SMC5: variants seen among roughly 807,000 people sequenced by gnomAD.
SMC5 encodes structural maintenance of chromosomes protein 5.
A neutral mutation model predicts 148.3 loss-of-function variants in SMC5; 88 were observed. The ratio of observed to expected loss-of-function variants is 0.59; its 90% CI spans 0.50 to 0.71. The LOEUF is 0.71. SMC5 is among the 30% of genes least tolerant of loss of function. SMC5 has a pLI of 0.00. For synonymous variants in SMC5, 421 were observed against 432.8 expected (o/e 0.97, Z 0.34); for missense variants, 1,142 against 1,298.9 (o/e 0.88, Z 1.86).
chr9:70,261,570 A>C (rs994782320), intron 1 of SMC5, among the ~76,000 whole-genome samples: 3 of 152,206 alleles, frequency 2.0e-5, no homozygotes, highest in African/African-American at 7.2e-5. Context: ...GTGGCATCTA[A>C]GAGAGATGTT....
chr9:70,340,647 A>G (rs180675996), intron 17 of SMC5, among the ~76,000 whole-genome samples: 3 of 152,210 alleles, frequency 2.0e-5, no homozygotes, highest in East Asian at 3.9e-4. Context: ...CTAGAACTTA[A>G]TTTTATTCAT....
At chr9:70,351,781 TAAGA>T (rs1305195505) in intron 24 of SMC5, among the ~76,000 whole-genome samples, 1 of 152,156 alleles carries the variant, frequency 6.6e-6, no homozygotes, top group African/African-American at 2.4e-5. Flanking sequence ...AAGAGCTTCT[TAAGA>T]GTCTTATTGG....
Position 70,352,301 on chromosome 9 carries a change from G to T in SMC5, c.3276G>T (p.Arg1092=). ...ATTTAAAGGCTTTCCAAAGGCGGCG[G>T]CGCCGTATTACATTCACTCAACCTT... ...TWNLKAFQRR[R]RRITFTQPS is the part of the protein sequence containing the mutation. Residue 1092 remains arginine, a synonymous_variant, in exon 25 of 25, where the codon CGG becomes CGT. Coordinates refer to ENST00000361138, the MANE Select transcript of SMC5 (RefSeq NM_015110.4). 6.2e-7 allele frequency: 1 copy of T among 1,611,904 alleles called. No homozygotes were observed. Among genetic ancestry groups the T allele is most frequent in the Non-Finnish European group, 8.5e-7 (1 of 1,179,010 alleles).
At chr9:70,323,135 G>A (rs552480583) in intron 15 of SMC5, among the ~76,000 whole-genome samples, 1 of 152,106 alleles carries the variant, frequency 6.6e-6, no homozygotes, top group Non-Finnish European at 1.5e-5. Context: ...CTTAATATCT[G>A]TGATTTTAGG....
At chr9:70,329,743 C>T (rs2036173443) in intron 17 of SMC5, among the ~76,000 whole-genome samples, 1 of 152,196 alleles carries the variant, frequency 6.6e-6, no homozygotes, top group Non-Finnish European at 1.5e-5. Context: ...TAGCAATGCC[C>T]CCACTTCTCT....
intron 17 of SMC5, among the ~76,000 whole-genome samples, chr9:70,342,349 C>CTG: frequency 6.6e-6 from 1 of 151,608 alleles, no homozygotes; most frequent in African/African-American, 2.4e-5. Flanking sequence ...TGTAACTAAC[C>CTG]TGCACATTGT....
chr9:70,323,443 G>C, intron 15 of SMC5, 40 bp from the exon 16 acceptor site: 1 of 1,549,306 alleles, frequency 6.5e-7, no homozygotes, highest in Non-Finnish European at 8.7e-7. Context: ...CAATTCTTAT[G>C]TTTAACACTG....
chr9:70,303,766 G>A (rs946535988), intron 10 of SMC5, among the ~76,000 whole-genome samples: 7 of 152,158 alleles, frequency 4.6e-5, no homozygotes, highest in Admixed American at 2.0e-4. Flanking sequence ...TTGAAAGGAC[G>A]TCTGTCTGAC....
At chr9:70,333,113 A>G (rs185310112) in intron 17 of SMC5, among the ~76,000 whole-genome samples, 2,534 of 152,276 alleles carry the variant, frequency 0.017, 43 homozygotes, top group South Asian at 0.069. Context: ...TTAAATGTAA[A>G]AAAAAACCTC....
intron 15 of SMC5, 48 bp from the exon 16 acceptor site, chr9:70,323,435 A>T (rs375039355): frequency 6.6e-7 from 1 of 1,523,216 alleles, no homozygotes; most frequent in African/African-American, 1.4e-5. Context: ...TTTGGGATCA[A>T]TTCTTATGTT....
chr9:70,347,637 G>A lies in SMC5; in HGVS notation c.2689G>A (p.Glu897Lys), dbSNP rs771116742. 12 of 1,574,462 alleles carry A rather than the reference G, an allele frequency of 7.6e-6. No homozygotes were observed. Among genetic ancestry groups the A allele is most frequent in the South Asian group, 3.6e-5 (3 of 84,410 alleles). ...GATTGTTCAGGAATATACAAAAAGA[G>A]AAGAAGAAATAGAACAGTTAACTGA... is the stretch of plus-strand genomic sequence containing the variant. ...PTIVQEYTKR[E>K]EEIEQLTEEL... is the part of the protein sequence containing the mutation. Residue 897 changes from glutamate (E) to lysine (K), a missense_variant, in exon 21 of 25, where the codon GAA becomes AAA. By Grantham distance (56) the Glu-to-Lys change is moderately conservative (BLOSUM62 1). Transcript: ENST00000361138.
intron 7 of SMC5, among the ~76,000 whole-genome samples, chr9:70,283,979 G>A (rs987761873): frequency 6.6e-6 from 1 of 152,160 alleles, no homozygotes; most frequent in African/African-American, 2.4e-5. Flanking sequence ...TCGATTTCTA[G>A]ATGTGATTGT....
Position 70,270,192 on chromosome 9 carries a change from G to A in SMC5, c.380+2217G>A, listed in dbSNP as rs764438098. Among the ~76,000 whole-genome samples the A allele has an allele frequency of 2.2e-4, 34 of 152,184 alleles. No individual in the cohort carries two copies. The Middle Eastern group carries it at 0.01, about 46-fold the overall frequency. ...TTGAGGTTCTCAGGACCCCTTTCTT[G>A]GTCCAGTTATTTGCTAGGATGGGAA... On this transcript the variant is annotated intron_variant, in intron 3 of 24. Coordinates refer to ENST00000361138, the MANE Select transcript of SMC5 (RefSeq NM_015110.4).
chr9:70,280,975 T>C, intron 6 of SMC5, 76 bp downstream of exon 6: 1 of 1,519,752 alleles, frequency 6.6e-7, no homozygotes, highest in Non-Finnish European at 9.0e-7. Flanking sequence ...TATTAGTTAC[T>C]GTGTATTCAA....
At chr9:70,297,128 G>A (rs1379915781) in intron 8 of SMC5, among the ~76,000 whole-genome samples, 2 of 152,132 alleles carry the variant, frequency 1.3e-5, no homozygotes, top group Non-Finnish European at 2.9e-5. Context: ...ACATAATGAG[G>A]TATCTTGAGA....
chr9:70,279,454 G>T (rs1312040156), intron 5 of SMC5, among the ~76,000 whole-genome samples: 2 of 152,078 alleles, frequency 1.3e-5, no homozygotes, highest in African/African-American at 2.4e-5. Context: ...AGGAGGTCAA[G>T]GTTGCAATGA....
At chr9:70,289,715 T>C (rs2035008258) in intron 8 of SMC5, among the ~76,000 whole-genome samples, 1 of 151,984 alleles carries the variant, frequency 6.6e-6, no homozygotes, top group Non-Finnish European at 1.5e-5. Flanking sequence ...CCTATTCTAG[T>C]GATTACCTTA....
intron 8 of SMC5, among the ~76,000 whole-genome samples, chr9:70,289,686 G>A (rs544553797): frequency 9.9e-5 from 15 of 151,348 alleles, no homozygotes; most frequent in Non-Finnish European, 2.1e-4. Flanking sequence ...TATTCTATAG[G>A]TTGAAAGTTA....
chr9:70,300,146 A>G lies in SMC5; in HGVS notation c.1410A>G (p.Leu470=). Residue 470 remains leucine (L), a synonymous_variant, in exon 10 of 25, where the codon CTA becomes CTG. Transcript: ENST00000361138. ...FRDTYDAVLW[L]RNNRDKFKQR... ...ACACGTATGATGCTGTTTTATGGCTAAGAAATAACAGAGACAAATTTAAAC... is the reference window on the plus strand; with the variant it reads ...ACACGTATGATGCTGTTTTATGGCTGAGAAATAACAGAGACAAATTTAAAC... 6 of 1,602,770 alleles carry G rather than the reference A, an allele frequency of 3.7e-6. No individual in the cohort carries two copies. The highest frequency in any genetic ancestry group is 5.1e-6 in the Non-Finnish European group (6 of 1,177,006).
Sources: gnomAD v4.1 joint callset for allele counts (sites outside exome capture counted in the v4.1 genomes callset) on GRCh38, gnomAD v4.1.1 for gene constraint, MANE v1.5 for transcripts, NCBI Gene and HGNC (gene_info 2026-07-23, HGNC 2026-07-21) for gene names.